The following SCN9A variants were observed in gnomAD, a reference collection of about 807,000 sequenced individuals.
SCN9A encodes sodium voltage-gated channel alpha subunit 9.
SCN9A carries 131 observed loss-of-function variants against 187.0 expected under a neutral mutation model. The observed-to-expected ratio is 0.70, with a 90% CI of 0.61 to 0.81. The LOEUF (loss-of-function observed/expected upper bound fraction) is 0.81, where lower values mean the gene tolerates loss of function less well. SCN9A is among the 30% of genes least tolerant of loss of function. The probability of loss-of-function intolerance (pLI) is 0.00; values close to 1 mark genes in which losing one functional copy is unlikely to be tolerated. For missense variants in SCN9A, 2,252 were observed against 2,396.6 expected, an observed-to-expected ratio of 0.94 and a Z score of 1.26; for synonymous variants, 809 against 808.6, an observed-to-expected ratio of 1.00 and a Z score of -0.01.
Position 166,280,492 on chromosome 2 carries a change from A to G in SCN9A, c.2208T>C (p.Cys736=). 3.2e-6 allele frequency: 5 copies of G among 1,586,806 alleles called. No homozygotes were observed. Among genetic ancestry groups the G allele is most frequent in the Non-Finnish European group, 4.3e-6 (5 of 1,164,040 alleles). Residue 736 remains cysteine, a synonymous_variant, in exon 14 of 27, where the codon TGT becomes TGC. Coordinates refer to ENST00000642356, the MANE Select transcript of SCN9A (RefSeq NM_001365536.1). ...CSPYWIKFKK[C]IYFIVMDPFV... ...AAGGATCCATTACAATAAAATAGATACACTTTTTGAATTTTATCCAATATG... is the reference window on the plus strand; with the variant it reads ...AAGGATCCATTACAATAAAATAGATGCACTTTTTGAATTTTATCCAATATG...
chr2:166,323,107 C>G (rs1699283661), intron 1 of SCN9A, among the ~76,000 whole-genome samples: 1 of 152,110 alleles, frequency 6.6e-6, no homozygotes, highest in Non-Finnish European at 1.5e-5. Flanking sequence ...TCATGTGGCT[C>G]AAGAACTATC....
intron 15 of SCN9A, 24 bp from the exon 16 acceptor site, chr2:166,277,363 T>C (rs1697283645): frequency 6.8e-7 from 1 of 1,468,416 alleles, no homozygotes; most frequent in African/African-American, 1.4e-5. Flanking sequence ...TAAAGTTTAA[T>C]GTTAATCACT....
rs1013896563 is a variant in SCN9A at position 166,197,032 on chromosome 2, T to G, written c.*1640A>C. ...AATTGCCAGAACAACAAAAAATATG[T>G]GCTTTAAACATTTATTATATAAATG... On this transcript the variant is annotated 3_prime_UTR_variant, in exon 27 of 27. Coordinates refer to ENST00000642356, the MANE Select transcript of SCN9A (RefSeq NM_001365536.1). 1.3e-5 allele frequency: 2 copies of G among 152,010 alleles called. No individual in the cohort carries two copies. Among genetic ancestry groups the G allele is most frequent in the Admixed American group, 1.3e-4 (2 of 15,264 alleles). The allele number at this position is 152,010 out of a possible 1,614,324, so 9.4% of individuals were successfully genotyped here.
chr2:166,321,083 C>A (rs1193345154), intron 1 of SCN9A, among the ~76,000 whole-genome samples: 1 of 152,034 alleles, frequency 6.6e-6, no homozygotes, highest in Non-Finnish European at 1.5e-5. Flanking sequence ...CATCAATGAC[C>A]AGGTTTTATT....
chr2:166,313,670 A>G (rs1289214679), intron 1 of SCN9A, among the ~76,000 whole-genome samples: 1 of 152,138 alleles, frequency 6.6e-6, no homozygotes, highest in African/African-American at 2.4e-5. Flanking sequence ...TATTTGCAAT[A>G]AGGCTGTTTT....
intron 1 of SCN9A, among the ~76,000 whole-genome samples, chr2:166,374,470 T>C (rs1171963260): frequency 6.6e-6 from 1 of 152,174 alleles, no homozygotes; most frequent in Non-Finnish European, 1.5e-5. Flanking sequence ...GCTTTCAAAC[T>C]AATCAATAAT....
chr2:166,288,368 C>A (rs1160044500), intron 10 of SCN9A, 69 bp downstream of exon 10: 4 of 1,247,272 alleles, frequency 3.2e-6, no homozygotes, highest in South Asian at 1.4e-5. Flanking sequence ...CAAGCATATA[C>A]CGCAGAGCCT....
intron 26 of SCN9A, among the ~76,000 whole-genome samples, chr2:166,200,220 A>G (rs371444561): frequency 0.02 from 3,058 of 150,420 alleles, 116 homozygotes; most frequent in African/African-American, 0.072. Context: ...GATGGTCTCG[A>G]TCTCCTGACC....
At chr2:166,326,894 T>G (rs905360692) in intron 1 of SCN9A, among the ~76,000 whole-genome samples, 25 of 152,164 alleles carry the variant, frequency 1.6e-4, no homozygotes, top group Admixed American at 6.5e-5. Context: ...TCTTGGAGCT[T>G]GAGAACATTC....
intron 9 of SCN9A, among the ~76,000 whole-genome samples, chr2:166,292,270 T>G (rs1227532800): frequency 6.6e-6 from 1 of 152,144 alleles, no homozygotes; most frequent in East Asian, 1.9e-4. Flanking sequence ...AATATACTTT[T>G]ATCATACAAA....
intron 1 of SCN9A, among the ~76,000 whole-genome samples, chr2:166,342,127 T>G (rs1236596969): frequency 6.6e-6 from 1 of 152,218 alleles, no homozygotes; most frequent in South Asian, 2.1e-4. Flanking sequence ...TGAGAAATTA[T>G]GATGCCCTAT....
At position 166,281,743 on chromosome 2, in the gene SCN9A, C is replaced by G; in HGVS notation, c.2040G>C (p.Leu680=). The change falls in exon 13 of 27, where the codon CTG becomes CTC. Residue 680 remains leucine (L), a synonymous_variant. Transcript: ENST00000642356. The part of the protein sequence containing the change: ...CSSYLLSEDM[L]NDPNLRQRAM... ...CTCTCTGTCTGAGGTTGGGATCATT[C>G]AGCATATCCTCTGAAAGGAGATAGG... 2 of 1,613,300 alleles carry G rather than the reference C, an allele frequency of 1.2e-6. No homozygotes were observed. Among genetic ancestry groups the G allele is most frequent in the Non-Finnish European group, 1.7e-6 (2 of 1,179,490 alleles).
chr2:166,375,136 AAAAT>A (rs770440360), intron 1 of SCN9A, among the ~76,000 whole-genome samples: 4 of 152,314 alleles, frequency 2.6e-5, no homozygotes, highest in Admixed American at 6.5e-5. Context: ...CTTATTCGAA[AAAAT>A]AAATAAATAA....
At chr2:166,268,630 A>G (rs1696844356) in intron 17 of SCN9A, among the ~76,000 whole-genome samples, 2 of 152,008 alleles carry the variant, frequency 1.3e-5, no homozygotes, top group African/African-American at 4.8e-5. Context: ...GACAGAATTT[A>G]AACTGGAAAC....
At chr2:166,236,920 T>G (rs2106401206) in intron 20 of SCN9A, among the ~76,000 whole-genome samples, 1 of 152,252 alleles carries the variant, frequency 6.6e-6, no homozygotes, top group African/African-American at 2.4e-5. Flanking sequence ...TTGGTTAAAT[T>G]TTAAAGCACT....
intron 17 of SCN9A, among the ~76,000 whole-genome samples, chr2:166,255,645 A>T (rs1696236783): frequency 6.6e-6 from 1 of 151,432 alleles, no homozygotes; most frequent in African/African-American, 2.4e-5. Flanking sequence ...AGAACTGAAA[A>T]ATGTTACATT....
chr2:166,296,911 A>G (rs1025297831), intron 7 of SCN9A, among the ~76,000 whole-genome samples: 5 of 152,120 alleles, frequency 3.3e-5, no homozygotes, highest in African/African-American at 1.2e-4. Context: ...TAAAGAATGA[A>G]TCACGGCCGG....
In SCN9A at chr2:166,211,924, A is replaced by G. The variant is rs202171487; in HGVS notation, c.4399-7460T>C. Among the ~76,000 whole-genome samples the G allele has an allele frequency of 5.9e-5, 9 of 152,344 alleles. No individual in the cohort carries two copies. The East Asian group carries it at 1.7e-3, about 29-fold the overall frequency. The stretch of plus-strand genomic sequence containing the variant: ...GGCAATAGTAAGTCATTACCTACCA[A>G]TGATTATTTCAAATACAAATGGATT... On this transcript the variant is annotated intron_variant, in intron 24 of 26. Transcript: ENST00000642356.
chr2:166,363,662 T>C (rs957091970), intron 1 of SCN9A, among the ~76,000 whole-genome samples: 1 of 152,012 alleles, frequency 6.6e-6, no homozygotes, highest in Non-Finnish European at 1.5e-5. Context: ...GGAAACTCTC[T>C]TAGAGTCTAC....
Sources: gnomAD v4.1 joint callset for allele counts (sites outside exome capture counted in the v4.1 genomes callset) on GRCh38, gnomAD v4.1.1 for gene constraint, MANE v1.5 for transcripts, NCBI Gene and HGNC (gene_info 2026-07-23, HGNC 2026-07-21) for gene names.